LAMB4: variants seen among roughly 807,000 people sequenced by gnomAD.
LAMB4 encodes the protein laminin subunit beta-4.
A neutral mutation model predicts 199.2 loss-of-function variants in LAMB4; 196 were observed. The observed-to-expected ratio is 0.98, with a 90% confidence interval of 0.88 to 1.11. The LOEUF (loss-of-function observed/expected upper bound fraction) is 1.11. LAMB4 is among the 50% of genes least tolerant of loss of function. LAMB4 has a pLI of 0.00. For missense variants in LAMB4, 2,080 were observed against 2,171.2 expected, an observed-to-expected ratio of 0.96 and a Z score of 0.83; for synonymous variants, 744 against 770.6, an observed-to-expected ratio of 0.97 and a Z score of 0.57.
intron 29 of LAMB4, among the ~76,000 whole-genome samples, chr7:108,038,573 AGGGGCCACATGTGGCCCAG>A (rs2035311065): frequency 6.6e-6 from 1 of 152,238 alleles, no homozygotes; most frequent in Non-Finnish European, 1.5e-5. Flanking sequence ...CCCACAGCCC[AGGGGCCACATGTGGCCCAG>A]GACGGCTTTG....
At chr7:108,069,625 G>A in intron 18 of LAMB4, 83 bp downstream of exon 18, 3 of 1,303,694 alleles carry the variant, frequency 2.3e-6, no homozygotes, top group Non-Finnish European at 3.2e-6. Context: ...GTTTGGAGTG[G>A]ATGCTAACAT....
intron 9 of LAMB4, 112 bp from the exon 10 acceptor site, chr7:108,103,344 G>A: frequency 2.3e-6 from 2 of 862,906 alleles, no homozygotes; most frequent in East Asian, 2.7e-5. Flanking sequence ...CTGCCATTTC[G>A]TGTTCTTTGT....
chr7:108,098,990 A>G (rs1222000171), intron 10 of LAMB4, among the ~76,000 whole-genome samples: 3 of 152,242 alleles, frequency 2.0e-5, no homozygotes, highest in Admixed American at 6.5e-5. Flanking sequence ...ATTTTATGTT[A>G]TGTGAATTTC....
intron 1 of LAMB4, among the ~76,000 whole-genome samples, chr7:108,124,002 A>G (rs2038690916): frequency 1.3e-5 from 2 of 151,754 alleles, no homozygotes; most frequent in Admixed American, 6.6e-5. Flanking sequence ...AGAAGGTAAA[A>G]TTTGTAATGG....
chr7:108,023,473 G>T (rs2034734501), downstream of LAMB4: 1 of 152,180 alleles, frequency 6.6e-6, no homozygotes, highest in African/African-American at 2.4e-5. Flanking sequence ...TTTGAATATT[G>T]TTCCAGTTCT....
intron 19 of LAMB4, among the ~76,000 whole-genome samples, chr7:108,067,288 G>T (rs1350990419): frequency 6.6e-6 from 1 of 152,204 alleles, no homozygotes; most frequent in African/African-American, 2.4e-5. Flanking sequence ...GCCCAGGAAG[G>T]GGAACCATTT....
At chr7:108,022,115 G>A (rs189901301), downstream of LAMB4, among the ~76,000 whole-genome samples, 1,458 of 152,190 alleles carry the variant, frequency 9.6e-3, 15 homozygotes, top group Non-Finnish European at 0.015. Context: ...TGGAAATATC[G>A]CCTGATGCAT....
At chr7:108,033,825 C>G (rs2035130328) in intron 31 of LAMB4, among the ~76,000 whole-genome samples, 1 of 143,704 alleles carries the variant, frequency 7.0e-6, no homozygotes, top group Non-Finnish European at 1.5e-5. Context: ...ATAGTTAACT[C>G]ATTTCTTTGG....
chr7:108,117,645 T>C (rs2038454019), intron 2 of LAMB4, among the ~76,000 whole-genome samples: 1 of 152,096 alleles, frequency 6.6e-6, no homozygotes, highest in South Asian at 2.1e-4. Flanking sequence ...TACGGTAAAG[T>C]GAAAGCAAGT....
intron 28 of LAMB4, among the ~76,000 whole-genome samples, chr7:108,045,235 T>C (rs1384476135): frequency 6.6e-6 from 1 of 152,092 alleles, no homozygotes; most frequent in Admixed American, 6.6e-5. Context: ...AGAAATAAAA[T>C]ACCCTAGGCA....
At chr7:108,097,068 T>C (rs1324346329) in intron 11 of LAMB4, among the ~76,000 whole-genome samples, 1 of 151,936 alleles carries the variant, frequency 6.6e-6, no homozygotes, top group African/African-American at 2.4e-5. Flanking sequence ...ACATGTGGAA[T>C]GCTGAAAGGT....
chr7:108,070,754 G>A (rs1392507859), intron 17 of LAMB4, among the ~76,000 whole-genome samples: 1 of 152,016 alleles, frequency 6.6e-6, no homozygotes, highest in African/African-American at 2.4e-5. Flanking sequence ...AAGTTTTTGG[G>A]GAGTAAAAAA....
rs769546445 is a variant in LAMB4, at chr7:108,095,256, A to T, written c.1442T>A (p.Val481Asp). 13 of 1,613,946 alleles carry T rather than the reference A, an allele frequency of 8.1e-6. No individual in the cohort carries two copies. In the South Asian group the frequency reaches 1.3e-4, roughly 16 times the overall value. ...GCATTCTTCGCAGTGTGCTCCGGTG[A>T]CATATGACAGGCACAAGCATTGGCC... ...DTGQCLCLSYVTGAHCEECTV... is the reference protein window; with the variant it reads ...DTGQCLCLSYDTGAHCEECTV... The change falls in exon 12 of 34, where the codon GTC becomes GAC. Residue 481 changes from valine (V) to aspartate (D), a missense_variant. Physicochemically the swap from Val to Asp is radical, Grantham distance 152. Coordinates refer to ENST00000388781, the MANE Select transcript of LAMB4 (RefSeq NM_007356.3).
Position 108,057,829 on chromosome 7 carries a change from T to C in LAMB4, c.3379+3A>G. 6.3e-7 allele frequency: 1 copy of C among 1,597,364 alleles called. No homozygotes were observed. The highest frequency in any genetic ancestry group is 8.6e-7 in the Non-Finnish European group (1 of 1,164,878). Reference sequence around the variant, plus strand: ...ATGAGTTTTTAGAAATCCCAATACTTACGAATGCATCGCCCAGGTGGATCA... The same window carrying C: ...ATGAGTTTTTAGAAATCCCAATACTCACGAATGCATCGCCCAGGTGGATCA... On this transcript the variant is annotated splice_donor_region_variant and intron_variant, in intron 24 of 33. Coordinates refer to ENST00000388781, the MANE Select transcript of LAMB4 (RefSeq NM_007356.3).
intron 16 of LAMB4, 151 bp from the exon 17 acceptor site, chr7:108,077,215 G>A: frequency 1.4e-6 from 1 of 693,442 alleles, no homozygotes; most frequent in Non-Finnish European, 2.4e-6. Context: ...CAGCACAGGT[G>A]GGTTGGTTGG....
chr7:108,083,913 C>T (rs924009037), intron 14 of LAMB4, among the ~76,000 whole-genome samples: 7 of 152,206 alleles, frequency 4.6e-5, no homozygotes, highest in African/African-American at 7.2e-5. Flanking sequence ...ATGGCTGCTA[C>T]ATGGTCTCTT....
Position 108,103,043 on chromosome 7 carries a change from C to A in LAMB4, c.1180+1G>T. ...GGATCCAGGCAGACCCGGGGACTCACGAATGCACGCGTAGGGATCTGAGAT... is the reference window on the plus strand; with the variant it reads ...GGATCCAGGCAGACCCGGGGACTCAAGAATGCACGCGTAGGGATCTGAGAT... On this transcript the variant is annotated splice_donor_variant, in intron 10 of 33. Coordinates refer to ENST00000388781, the MANE Select transcript of LAMB4 (RefSeq NM_007356.3). LOFTEE classifies it high-confidence loss of function. 2.5e-6 allele frequency: 4 copies of A among 1,573,836 alleles called. No individual in the cohort carries two copies. Among genetic ancestry groups the A allele is most frequent in the Non-Finnish European group, 3.5e-6 (4 of 1,151,272 alleles).
intron 28 of LAMB4, among the ~76,000 whole-genome samples, chr7:108,045,701 C>T (rs917702136): frequency 3.3e-5 from 5 of 152,132 alleles, no homozygotes; most frequent in African/African-American, 1.2e-4. Context: ...AGCACTGGGA[C>T]ATAAGACCAG....
intron 2 of LAMB4, 46 bp downstream of exon 2, chr7:108,123,085 T>C: frequency 6.5e-7 from 1 of 1,540,262 alleles, no homozygotes. Flanking sequence ...ATTAAATATT[T>C]TAGGACAGCG....
Sources: allele counts gnomAD v4.1 joint callset (sites outside exome capture counted in the v4.1 genomes callset), GRCh38; gene constraint gnomAD v4.1.1; transcripts MANE v1.5; gene names NCBI Gene and HGNC (gene_info 2026-07-23, HGNC 2026-07-21).